EXOC2: variants seen among roughly 807,000 people sequenced by gnomAD.
EXOC2 encodes the protein SEC5-like 1.
A neutral mutation model predicts 131.8 loss-of-function variants in EXOC2; 70 were observed. The observed-to-expected ratio is 0.53, with a 90% CI of 0.44 to 0.65. The LOEUF (loss-of-function observed/expected upper bound fraction) is 0.65. EXOC2 is among the 30% of genes least tolerant of loss of function. The pLI, the probability that EXOC2 is intolerant of heterozygous loss-of-function variation, is 0.00. For synonymous variants in EXOC2, 411 were observed against 398.4 expected (o/e 1.03, Z -0.38); for missense variants, 923 against 1,108.6 (o/e 0.83, Z 2.38).
chr6:653,398 T>C (rs564291521), intron 1 of EXOC2, among the ~76,000 whole-genome samples: 7 of 152,368 alleles, frequency 4.6e-5, no homozygotes, highest in East Asian at 1.9e-4. Flanking sequence ...ATTGCTACTC[T>C]AGTGAACACA....
intron 4 of EXOC2, among the ~76,000 whole-genome samples, chr6:623,111 C>T (rs975880115): frequency 6.6e-6 from 1 of 152,240 alleles, no homozygotes; most frequent in Non-Finnish European, 1.5e-5. Context: ...GAGGTCCCCA[C>T]TGGCCCTGCA....
chr6:548,333 A>T (rs908618481), intron 22 of EXOC2, among the ~76,000 whole-genome samples: 3 of 152,246 alleles, frequency 2.0e-5, no homozygotes, highest in African/African-American at 7.2e-5. Context: ...CGTGTTGATT[A>T]TAAGATTAAC....
At chr6:662,724 T>C (rs1763475074) in intron 1 of EXOC2, among the ~76,000 whole-genome samples, 1 of 151,932 alleles carries the variant, frequency 6.6e-6, no homozygotes, top group Non-Finnish European at 1.5e-5. Context: ...AAACAGATGC[T>C]CTAAGGTCAC....
rs1363826811 is a variant in EXOC2, at chr6:517,122, G to T, written c.2380+15347C>A. ...AGAGCTATGGGGTTAGAAAAAGCCA[G>T]TTGGGGGTAGACAGGGTGGACAGAG... On this transcript the variant is annotated intron_variant, in intron 23 of 27. Transcript: ENST00000230449. Among the ~76,000 whole-genome samples, 5 of 152,210 alleles carry T rather than the reference G, an allele frequency of 3.3e-5. No homozygotes were observed. In the East Asian group the frequency reaches 9.6e-4, roughly 29 times the overall value.
chr6:491,209 G>C (rs374433895), intron 25 of EXOC2, 23 bp from the exon 26 acceptor site: 2 of 1,612,590 alleles, frequency 1.2e-6, no homozygotes, highest in Non-Finnish European at 1.7e-6. Context: ...AAAAGACAAA[G>C]TGACAACAGG....
chr6:664,018 G>A (rs942152959), intron 1 of EXOC2, among the ~76,000 whole-genome samples: 8 of 152,070 alleles, frequency 5.3e-5, no homozygotes, highest in East Asian at 1.9e-4. Flanking sequence ...AGATATTATC[G>A]TTTACCTTGA....
chr6:621,419 C>A (rs1266744803), intron 4 of EXOC2, among the ~76,000 whole-genome samples: 1 of 152,224 alleles, frequency 6.6e-6, no homozygotes, highest in Non-Finnish European at 1.5e-5. Flanking sequence ...GCTGCAAAAC[C>A]AGATCTCGAG....
intron 1 of EXOC2, among the ~76,000 whole-genome samples, chr6:647,992 C>A (rs1762656836): frequency 6.6e-6 from 1 of 152,164 alleles, no homozygotes; most frequent in South Asian, 2.1e-4. Flanking sequence ...AGGCATTACA[C>A]TGGTTCATTT....
In EXOC2 at chr6:637,822, G is replaced by A. The variant is rs770393276; in HGVS notation, c.-4C>T. ...GGGGTTGTCGTGATCGAGACATTGTGCTTTGTGGAGCAAACTGGTGATCCT... is the reference window on the plus strand; with the variant it reads ...GGGGTTGTCGTGATCGAGACATTGTACTTTGTGGAGCAAACTGGTGATCCT... On this transcript the variant is annotated 5_prime_UTR_variant, in exon 2 of 28. Coordinates refer to ENST00000230449, the MANE Select transcript of EXOC2 (RefSeq NM_018303.6). 1 of 1,612,434 alleles carries A rather than the reference G, an allele frequency of 6.2e-7. No individual in the cohort carries two copies. The highest frequency in any genetic ancestry group is 2.2e-5 in the East Asian group (1 of 44,856).
In EXOC2 at chr6:610,750, G is replaced by A. The variant is rs1760673054; in HGVS notation, c.662-572C>T. Among the ~76,000 whole-genome samples the A allele has an allele frequency of 2.6e-5, 4 of 152,212 alleles. No homozygotes were observed. The South Asian group carries it at 8.3e-4, about 32-fold the overall frequency. ...AATGCACTATGAATACACACTCAAT[G>A]CCTGCTAATATCTATCTCTCTGCTC... On this transcript the variant is annotated intron_variant, in intron 6 of 27. Transcript: ENST00000230449.
intron 22 of EXOC2, among the ~76,000 whole-genome samples, chr6:533,419 G>T (rs1381148256): frequency 2.0e-5 from 3 of 152,152 alleles, no homozygotes; most frequent in Non-Finnish European, 4.4e-5. Context: ...ACCCCAGTGT[G>T]GCTCCCCTGG....
intron 27 of EXOC2, among the ~76,000 whole-genome samples, chr6:487,024 A>G (rs1763109582): frequency 1.3e-5 from 2 of 152,238 alleles, no homozygotes; most frequent in African/African-American, 4.8e-5. Context: ...ATTCCTCCCT[A>G]ATACAGACTG....
intron 4 of EXOC2, among the ~76,000 whole-genome samples, chr6:620,888 A>T (rs1215330228): frequency 6.6e-6 from 1 of 152,224 alleles, no homozygotes; most frequent in African/African-American, 2.4e-5. Context: ...TGGTACTGCC[A>T]TAGGTGGTCT....
chr6:549,346 C>A, intron 21 of EXOC2, 55 bp from the exon 22 acceptor site: 1 of 1,237,138 alleles, frequency 8.1e-7, no homozygotes, highest in Non-Finnish European at 1.2e-6. Flanking sequence ...GAGAGAATAG[C>A]TGATTAACAC....
chr6:552,679 C>T (rs1001467865), intron 21 of EXOC2, among the ~76,000 whole-genome samples: 10 of 152,180 alleles, frequency 6.6e-5, no homozygotes, highest in Non-Finnish European at 1.2e-4. Flanking sequence ...GAATTTCTGT[C>T]TCAGTGAATG....
intron 7 of EXOC2, among the ~76,000 whole-genome samples, chr6:604,749 C>A (rs1760304676): frequency 6.8e-6 from 1 of 147,428 alleles, no homozygotes; most frequent in Admixed American, 6.7e-5. Flanking sequence ...CTCCACTCAG[C>A]CACCCACCGC....
chr6:486,624 G>C lies in EXOC2; in HGVS notation c.*47C>G. 1.3e-6 allele frequency: 2 copies of C among 1,497,650 alleles called. No individual in the cohort carries two copies. Among genetic ancestry groups the C allele is most frequent in the Non-Finnish European group, 1.9e-6 (2 of 1,073,984 alleles). The allele number at this position is 1,497,650 out of a possible 1,614,324, so 92.8% of individuals were successfully genotyped here. A position where few individuals can be genotyped will look rare whatever the true frequency, so the allele number is the denominator to read the frequency against. On this transcript the variant is annotated 3_prime_UTR_variant, in exon 28 of 28. Coordinates refer to ENST00000230449, the MANE Select transcript of EXOC2 (RefSeq NM_018303.6). ...CTTTAGGGTACTTAGAGAGTGAACA[G>C]TCTTATTACGTGTTATTTTCCTGGA... is the stretch of plus-strand genomic sequence containing the variant.
At chr6:604,025 G>T (rs982210709) in intron 7 of EXOC2, among the ~76,000 whole-genome samples, 3 of 152,162 alleles carry the variant, frequency 2.0e-5, no homozygotes, top group Admixed American at 1.3e-4. Flanking sequence ...TGGTTATGTC[G>T]CTGTAAGACA....
intron 6 of EXOC2, among the ~76,000 whole-genome samples, chr6:615,107 T>TTA (rs1273005126): frequency 6.6e-6 from 1 of 151,998 alleles, no homozygotes; most frequent in Non-Finnish European, 1.5e-5. Context: ...ATGAAAATCT[T>TTA]AATAGAGAAT....
Sources: gnomAD v4.1 joint callset for allele counts (sites outside exome capture counted in the v4.1 genomes callset) on GRCh38, gnomAD v4.1.1 for gene constraint, MANE v1.5 for transcripts, NCBI Gene and HGNC (gene_info 2026-07-23, HGNC 2026-07-21) for gene names.